Variants in IFT88 observed in about 807,000 individuals in gnomAD.
IFT88 encodes intraflagellar transport 88.
A neutral mutation model predicts 119.5 loss-of-function variants in IFT88; 74 were observed. The ratio of observed to expected loss-of-function variants is 0.62; its 90% confidence interval spans 0.51 to 0.75. The LOEUF (loss-of-function observed/expected upper bound fraction) is 0.75, where lower values mean the gene tolerates loss of function less well. Among genes scored for constraint, IFT88 ranks in the 30% least tolerant of loss-of-function variants. The probability of loss-of-function intolerance (pLI) is 0.00; values close to 1 mark genes in which losing one functional copy is unlikely to be tolerated. For missense variants in IFT88, 961 were observed against 977.7 expected, an observed-to-expected ratio of 0.98 and a Z score of 0.23; for synonymous variants, 279 against 316.7, an observed-to-expected ratio of 0.88 and a Z score of 1.26.
intron 14 of IFT88, among the ~76,000 whole-genome samples, chr13:20,623,692 G>T (rs1414357228): frequency 6.6e-6 from 1 of 152,028 alleles, no homozygotes; most frequent in Non-Finnish European, 1.5e-5. Flanking sequence ...AGCCAGGATG[G>T]TCTCAATCTC....
intron 24 of IFT88, among the ~76,000 whole-genome samples, chr13:20,688,208 G>A (rs939321750): frequency 2.0e-5 from 3 of 152,298 alleles, no homozygotes; most frequent in Admixed American, 1.3e-4. Context: ...TTAGCCGGGC[G>A]TGGTAGCGCA....
At chr13:20,574,609 A>AC in intron 2 of IFT88, 134 bp downstream of exon 2, 1 of 475,390 alleles carries the variant, frequency 2.1e-6, no homozygotes, top group Non-Finnish European at 3.8e-6. Flanking sequence ...AAGTGCTATT[A>AC]CAGAAGACTC....
At chr13:20,656,476 AT>A in intron 22 of IFT88, 46 bp downstream of exon 22, 2 of 892,490 alleles carry the variant, frequency 2.2e-6, no homozygotes, top group Non-Finnish European at 3.5e-6. Context: ...AAGTTCTCAT[AT>A]TTTATGTTCT....
chr13:20,673,983 G>A (rs1231774347), intron 24 of IFT88, among the ~76,000 whole-genome samples: 4 of 152,060 alleles, frequency 2.6e-5, no homozygotes, highest in Non-Finnish European at 4.4e-5. Flanking sequence ...TTGCCTTTTC[G>A]TTCCTTATTT....
At chr13:20,597,669 G>A (rs3002164) in intron 9 of IFT88, among the ~76,000 whole-genome samples, 136,125 of 151,180 alleles carry the variant, frequency 0.9, 61,405 homozygotes, top group East Asian at 1. Flanking sequence ...GCGTGAACCC[G>A]GGAGGCGGAG....
chr13:20,688,463 T>C (rs763189468), intron 24 of IFT88, among the ~76,000 whole-genome samples: 1 of 152,216 alleles, frequency 6.6e-6, no homozygotes, highest in Non-Finnish European at 1.5e-5. Context: ...TCACATAGTT[T>C]TGGAGCTAGA....
intron 11 of IFT88, among the ~76,000 whole-genome samples, chr13:20,601,398 G>T (rs1270132031): frequency 6.6e-6 from 1 of 151,672 alleles, no homozygotes; most frequent in African/African-American, 2.4e-5. Flanking sequence ...GGTTACCTAG[G>T]GCTGGGAATA....
chr13:20,617,837 A>AGTCT (rs747952126), intron 14 of IFT88, among the ~76,000 whole-genome samples: 1 of 152,142 alleles, frequency 6.6e-6, no homozygotes, highest in Non-Finnish European at 1.5e-5. Flanking sequence ...TCTGTCAACC[A>AGTCT]GGCTGGAGCG....
At chr13:20,631,470 AAG>A (rs2048197394) in intron 16 of IFT88, 1 of 182,024 alleles carries the variant, frequency 5.5e-6, no homozygotes, top group Non-Finnish European at 1.2e-5. Flanking sequence ...CAACTCTAAC[AAG>A]CATTTATTGA....
At chr13:20,649,666 T>C (rs1477565607) in intron 20 of IFT88, among the ~76,000 whole-genome samples, 1 of 151,882 alleles carries the variant, frequency 6.6e-6, no homozygotes, top group Non-Finnish European at 1.5e-5. Context: ...ATAAATAAAA[T>C]AGAGAATAGA....
chr13:20,616,879 A>G (rs910721827), intron 14 of IFT88, among the ~76,000 whole-genome samples: 5 of 152,118 alleles, frequency 3.3e-5, no homozygotes, highest in Non-Finnish European at 7.4e-5. Context: ...TAGCACCATT[A>G]TCTTATGGGA....
chr13:20,653,975 CT>C, intron 21 of IFT88, 47 bp downstream of exon 21: 1 of 1,148,588 alleles, frequency 8.7e-7, no homozygotes. Context: ...TGCTTCTTTC[CT>C]TTTAGGTAAT....
chr13:20,689,325 C>G (rs1053515273), intron 24 of IFT88, among the ~76,000 whole-genome samples: 1 of 152,156 alleles, frequency 6.6e-6, no homozygotes, highest in African/African-American at 2.4e-5. Flanking sequence ...GTTTTGGGTG[C>G]CTGAGGGAGC....
At chr13:20,685,260 G>T (rs1005906659) in intron 24 of IFT88, among the ~76,000 whole-genome samples, 6 of 152,092 alleles carry the variant, frequency 3.9e-5, no homozygotes, top group African/African-American at 1.4e-4. Context: ...GGGTGGGGGG[G>T]CCAGGTTTTC....
intron 1 of IFT88, among the ~76,000 whole-genome samples, chr13:20,569,745 C>G (rs1445608883): frequency 6.8e-6 from 1 of 147,980 alleles, no homozygotes; most frequent in Admixed American, 6.8e-5. Context: ...TGGGAATGAG[C>G]TGGCCGGGCG....
At chr13:20,573,890 A>T (rs367959249) in intron 1 of IFT88, among the ~76,000 whole-genome samples, 1 of 152,334 alleles carries the variant, frequency 6.6e-6, no homozygotes, top group East Asian at 1.9e-4. Flanking sequence ...GTAGTTGTGA[A>T]ATAAATGTGA....
At chr13:20,606,041 G>A (rs2043386709) in intron 13 of IFT88, among the ~76,000 whole-genome samples, 1 of 151,832 alleles carries the variant, frequency 6.6e-6, no homozygotes, top group Non-Finnish European at 1.5e-5. Context: ...TTTATCATTG[G>A]CCATTGGTGA....
intron 23 of IFT88, 55 bp from the exon 24 acceptor site, chr13:20,670,918 T>G (rs2055728988): frequency 1.3e-6 from 2 of 1,484,296 alleles, no homozygotes; most frequent in Non-Finnish European, 1.9e-6. Context: ...TTATCTATAT[T>G]CAACTTTGAA....
At chr13:20,674,951 G>A (rs2056475029) in intron 24 of IFT88, among the ~76,000 whole-genome samples, 1 of 151,616 alleles carries the variant, frequency 6.6e-6, no homozygotes, top group South Asian at 2.1e-4. Flanking sequence ...CTGACCTCGT[G>A]ATCCACCCGC....
Sources: allele counts gnomAD v4.1 joint callset (sites outside exome capture counted in the v4.1 genomes callset), GRCh38; gene constraint gnomAD v4.1.1; transcripts MANE v1.5; gene names NCBI Gene and HGNC (gene_info 2026-07-23, HGNC 2026-07-21).